The following DCLK1 variants were observed in gnomAD, a reference collection of about 807,000 sequenced individuals.
DCLK1 encodes serine/threonine-protein kinase DCLK1.
A neutral mutation model predicts 86.2 loss-of-function variants in DCLK1; 16 were observed. The ratio of observed to expected loss-of-function variants is 0.19; its 90% CI spans 0.13 to 0.28. The LOEUF (loss-of-function observed/expected upper bound fraction) is 0.28. Ranked by LOEUF, DCLK1 falls within the 10% of genes least tolerant of loss-of-function variation. The pLI is 1.00. For synonymous variants in DCLK1, 369 were observed against 370.5 expected, an observed-to-expected ratio of 1.00 and a Z score of 0.05; for missense variants, 590 against 940.2, an observed-to-expected ratio of 0.63 and a Z score of 4.87.
chr13:35,831,252 C>T (rs1181722960), intron 8 of DCLK1, among the ~76,000 whole-genome samples: 1 of 151,976 alleles, frequency 6.6e-6, no homozygotes, highest in Non-Finnish European at 1.5e-5. Flanking sequence ...TTTTTGATTC[C>T]CTGAGGGCCG....
intron 3 of DCLK1, among the ~76,000 whole-genome samples, chr13:35,983,912 T>G (rs1879780674): frequency 6.6e-6 from 1 of 152,064 alleles, no homozygotes; most frequent in East Asian, 1.9e-4. Flanking sequence ...TTGACCTCCT[T>G]GAACAGGAGA....
At chr13:36,008,242 C>T (rs1881096526) in intron 3 of DCLK1, among the ~76,000 whole-genome samples, 2 of 79,456 alleles carry the variant, frequency 2.5e-5, no homozygotes, top group East Asian at 4.7e-4. Context: ...TTTAATTATA[C>T]TTTAAGTTTT....
At chr13:35,946,115 T>C (rs953131337) in intron 4 of DCLK1, among the ~76,000 whole-genome samples, 17 of 152,166 alleles carry the variant, frequency 1.1e-4, no homozygotes, top group South Asian at 1.0e-3. Context: ...TGGGCTTAGA[T>C]GATCTGTCTA....
At chr13:35,805,543 C>A in intron 15 of DCLK1, 156 bp downstream of exon 15, 3 of 649,642 alleles carry the variant, frequency 4.6e-6, no homozygotes, top group Admixed American at 6.0e-5. Context: ...AGGCAATCCA[C>A]CCACCTCGGC....
intron 4 of DCLK1, among the ~76,000 whole-genome samples, chr13:35,902,752 A>T (rs1000536656): frequency 6.6e-6 from 1 of 152,168 alleles, no homozygotes; most frequent in Non-Finnish European, 1.5e-5. Context: ...GGAAAGACAC[A>T]GGCAGGGCCT....
chr13:35,835,637 T>A (rs1211529775), intron 8 of DCLK1, among the ~76,000 whole-genome samples: 1 of 152,218 alleles, frequency 6.6e-6, no homozygotes, highest in African/African-American at 2.4e-5. Context: ...AAGATGATCG[T>A]GTATGTATTT....
At chr13:35,981,128 A>G (rs1332811232) in intron 3 of DCLK1, among the ~76,000 whole-genome samples, 1 of 152,140 alleles carries the variant, frequency 6.6e-6, no homozygotes, top group African/African-American at 2.4e-5. Flanking sequence ...TCATAATGCT[A>G]TAAGGTTTCA....
At chr13:35,989,846 C>T (rs56314327) in intron 3 of DCLK1, among the ~76,000 whole-genome samples, 54,607 of 151,566 alleles carry the variant, frequency 0.36, 10,911 homozygotes, top group Admixed American at 0.44. Context: ...GCCACCACAT[C>T]CAGCAAAACA....
At chr13:35,928,289 G>T (rs1244545982) in intron 4 of DCLK1, among the ~76,000 whole-genome samples, 2 of 152,112 alleles carry the variant, frequency 1.3e-5, no homozygotes, top group African/African-American at 2.4e-5. Context: ...TGTTGGAACT[G>T]CCCTCAGCAC....
intron 3 of DCLK1, among the ~76,000 whole-genome samples, chr13:36,105,313 T>C (rs1044869822): frequency 3.3e-5 from 5 of 152,168 alleles, no homozygotes; most frequent in African/African-American, 1.2e-4. Context: ...TAAAATATGA[T>C]TTTTTTCCAA....
chr13:35,928,777 T>C (rs1466031658), intron 4 of DCLK1, among the ~76,000 whole-genome samples: 1 of 152,218 alleles, frequency 6.6e-6, no homozygotes, highest in Non-Finnish European at 1.5e-5. Flanking sequence ...ACATATAAGA[T>C]CAGGCTCCTG....
intron 4 of DCLK1, among the ~76,000 whole-genome samples, chr13:35,944,911 A>G (rs938315620): frequency 6.6e-6 from 1 of 151,544 alleles, no homozygotes; most frequent in Non-Finnish European, 1.5e-5. Flanking sequence ...TTATTTATTT[A>G]TTTATTTGAG....
At chr13:35,900,536 T>C (rs1157759358) in intron 4 of DCLK1, among the ~76,000 whole-genome samples, 1 of 152,214 alleles carries the variant, frequency 6.6e-6, no homozygotes, top group African/African-American at 2.4e-5. Context: ...TGAGCCACCA[T>C]GCTGGGCCTA....
chr13:35,861,544 C>T (rs1176883557), intron 5 of DCLK1, among the ~76,000 whole-genome samples: 1 of 152,186 alleles, frequency 6.6e-6, no homozygotes, highest in African/African-American at 2.4e-5. Flanking sequence ...CTGGTATTGC[C>T]CATTCCTTCA....
chr13:35,970,836 T>C (rs560823040), intron 3 of DCLK1, among the ~76,000 whole-genome samples: 25 of 152,284 alleles, frequency 1.6e-4, no homozygotes, highest in Middle Eastern at 3.4e-3. Flanking sequence ...GTGGGGAGAA[T>C]TGGTGAGGTC....
intron 15 of DCLK1, among the ~76,000 whole-genome samples, chr13:35,799,442 G>T (rs369065350): frequency 6.6e-6 from 1 of 152,102 alleles, no homozygotes; most frequent in Non-Finnish European, 1.5e-5. Flanking sequence ...GTGGAGACAA[G>T]GTTTCTCCAT....
At chr13:35,880,733 T>G (rs1872839882) in intron 4 of DCLK1, among the ~76,000 whole-genome samples, 1 of 152,212 alleles carries the variant, frequency 6.6e-6, no homozygotes, top group South Asian at 2.1e-4. Context: ...GTTTTTTCTC[T>G]GCCATGGGTT....
At chr13:36,037,473 G>C (rs887900222) in intron 3 of DCLK1, among the ~76,000 whole-genome samples, 1 of 151,330 alleles carries the variant, frequency 6.6e-6, no homozygotes, top group East Asian at 1.9e-4. Flanking sequence ...CTTTTTTCTC[G>C]TGGTTTTTGT....
chr13:35,806,985 T>C (rs1203411970), intron 14 of DCLK1, among the ~76,000 whole-genome samples: 2 of 152,202 alleles, frequency 1.3e-5, no homozygotes, highest in Non-Finnish European at 2.9e-5. Flanking sequence ...GGAACTCACA[T>C]TCAGGACATG....
Sources: gnomAD v4.1 joint callset for allele counts (sites outside exome capture counted in the v4.1 genomes callset) on GRCh38, gnomAD v4.1.1 for gene constraint, MANE v1.5 for transcripts, NCBI Gene and HGNC (gene_info 2026-07-23, HGNC 2026-07-21) for gene names.